Variants in MAML3 observed in about 807,000 individuals in gnomAD.
The protein encoded by MAML3 is mastermind like transcriptional coactivator 3, also known as mastermind-like protein 3.
Under a neutral mutation model 101.9 loss-of-function variants are expected in MAML3, and 27 were observed. The ratio of observed to expected loss-of-function variants is 0.27; its 90% CI spans 0.20 to 0.37. The LOEUF (loss-of-function observed/expected upper bound fraction) is 0.37, where lower values mean the gene tolerates loss of function less well. Ranked by LOEUF, MAML3 falls within the 10% of genes least tolerant of loss-of-function variation. MAML3 has a pLI of 1.00. For missense variants in MAML3, 1,316 were observed against 1,444.9 expected, an observed-to-expected ratio of 0.91 and a Z score of 1.45; for synonymous variants, 501 against 555.9, an observed-to-expected ratio of 0.90 and a Z score of 1.39.
At chr4:139,940,974 C>T (rs1733586508) in intron 1 of MAML3, among the ~76,000 whole-genome samples, 1 of 152,174 alleles carries the variant, frequency 6.6e-6, no homozygotes, top group South Asian at 2.1e-4. Flanking sequence ...ATATAGATCA[C>T]AAGTGATGCT....
intron 1 of MAML3, among the ~76,000 whole-genome samples, chr4:140,141,939 C>G (rs953806612): frequency 4.6e-5 from 7 of 152,176 alleles, no homozygotes; most frequent in Non-Finnish European, 8.8e-5. Context: ...AACCCTAAAT[C>G]TGTGCTACAG....
chr4:139,984,080 G>A (rs986599965), intron 1 of MAML3, among the ~76,000 whole-genome samples: 1 of 152,220 alleles, frequency 6.6e-6, no homozygotes, highest in Non-Finnish European at 1.5e-5. Flanking sequence ...GGAAAACACG[G>A]TGGGGTCCAC....
chr4:139,998,440 A>G (rs547917839), intron 1 of MAML3, among the ~76,000 whole-genome samples: 103 of 152,182 alleles, frequency 6.8e-4, no homozygotes, highest in Non-Finnish European at 1.1e-3. Context: ...AATGCTTTAA[A>G]CATGGTTTCT....
In MAML3 at chr4:140,153,197, G is replaced by C. The variant is rs775133441; in HGVS notation, c.131C>G (p.Pro44Arg). The C allele has an allele frequency of 1.3e-6, 2 of 1,555,266 alleles. No individual in the cohort carries two copies. Among genetic ancestry groups the C allele is most frequent in the Non-Finnish European group, 1.7e-6 (2 of 1,149,130 alleles). ...ACCGGCTGCCGGGTGATTGCTACTC[G>C]GAGCAGCGGGAGTACTATTGGGAGT... Reference protein sequence around the residue: ...NNTPNSTPAAPSSNHPAAGGC... With the variant: ...NNTPNSTPAARSSNHPAAGGC... The change falls in exon 1 of 5, where the codon CCG becomes CGG. Residue 44 changes from proline (P) to arginine (R), a missense_variant. Transcript: ENST00000509479.
At chr4:140,000,202 A>G (rs1734896795) in intron 1 of MAML3, among the ~76,000 whole-genome samples, 1 of 152,230 alleles carries the variant, frequency 6.6e-6, no homozygotes, top group African/African-American at 2.4e-5. Flanking sequence ...TGTCACAGTC[A>G]TCTTCATTTA....
chr4:139,721,541 A>G (rs964255853), intron 4 of MAML3, among the ~76,000 whole-genome samples: 1 of 152,238 alleles, frequency 6.6e-6, no homozygotes, highest in African/African-American at 2.4e-5. Flanking sequence ...GCACCCTGGT[A>G]GATAACTGAA....
At chr4:140,143,635 C>T (rs1729010925) in intron 1 of MAML3, among the ~76,000 whole-genome samples, 1 of 152,112 alleles carries the variant, frequency 6.6e-6, no homozygotes, top group South Asian at 2.1e-4. Flanking sequence ...GTGGCGGGTG[C>T]CTGTAATCCC....
At chr4:139,940,401 C>T (rs1240235573) in intron 1 of MAML3, among the ~76,000 whole-genome samples, 1 of 152,198 alleles carries the variant, frequency 6.6e-6, no homozygotes, top group East Asian at 1.9e-4. Flanking sequence ...TCTGAACTCA[C>T]TTCCTGGTTA....
At chr4:140,069,683 A>G (rs923591300) in intron 1 of MAML3, among the ~76,000 whole-genome samples, 1 of 140,280 alleles carries the variant, frequency 7.1e-6, no homozygotes, top group Non-Finnish European at 1.6e-5. Context: ...AGAAAGAAAA[A>G]GAAAGAAAGA....
At chr4:139,804,850 G>C (rs1297838744) in intron 2 of MAML3, among the ~76,000 whole-genome samples, 1 of 152,138 alleles carries the variant, frequency 6.6e-6, no homozygotes, top group Non-Finnish European at 1.5e-5. Flanking sequence ...AGTGTGTCTA[G>C]AACAGTGCTG....
At chr4:139,957,591 A>T (rs1733936640) in intron 1 of MAML3, among the ~76,000 whole-genome samples, 1 of 152,198 alleles carries the variant, frequency 6.6e-6, no homozygotes, top group African/African-American at 2.4e-5. Flanking sequence ...TGTTAGAAAG[A>T]TGGTGAATCC....
intron 2 of MAML3, among the ~76,000 whole-genome samples, chr4:139,761,016 T>C (rs1729746190): frequency 6.6e-6 from 1 of 152,152 alleles, no homozygotes; most frequent in Non-Finnish European, 1.5e-5. Context: ...TGGAGTACAA[T>C]GGCGCAATCT....
chr4:139,725,107 T>G (rs1054608548), intron 4 of MAML3, among the ~76,000 whole-genome samples: 23 of 152,282 alleles, frequency 1.5e-4, no homozygotes, highest in Admixed American at 9.2e-4. Flanking sequence ...TGAACGGGCC[T>G]TCCACATTTA....
intron 1 of MAML3, among the ~76,000 whole-genome samples, chr4:140,065,567 T>G (rs1023000727): frequency 6.6e-6 from 1 of 152,174 alleles, no homozygotes; most frequent in Non-Finnish European, 1.5e-5. Flanking sequence ...TCTGCTGACC[T>G]TCACCACTTG....
At chr4:139,782,995 C>T (rs549746144) in intron 2 of MAML3, among the ~76,000 whole-genome samples, 1 of 152,150 alleles carries the variant, frequency 6.6e-6, no homozygotes, top group East Asian at 1.9e-4. Context: ...TTGGGAACCT[C>T]AAAAAAGGAG....
chr4:139,727,647 T>C (rs1037648550), intron 3 of MAML3, among the ~76,000 whole-genome samples: 6 of 152,230 alleles, frequency 3.9e-5, no homozygotes, highest in Non-Finnish European at 7.3e-5. Flanking sequence ...CCTTTGTGAA[T>C]GGATGAGAGG....
At chr4:139,834,494 C>A (rs1029146730) in intron 2 of MAML3, among the ~76,000 whole-genome samples, 1 of 152,206 alleles carries the variant, frequency 6.6e-6, no homozygotes, top group Non-Finnish European at 1.5e-5. Flanking sequence ...TGTAAGACAG[C>A]GCTTCTTGAA....
chr4:140,053,404 C>G (rs1044747996), intron 1 of MAML3, among the ~76,000 whole-genome samples: 4 of 152,148 alleles, frequency 2.6e-5, no homozygotes, highest in East Asian at 1.9e-4. Context: ...TTAGGTAATT[C>G]TGTTTGGGAG....
chr4:139,840,418 T>G (rs760108022), intron 2 of MAML3, among the ~76,000 whole-genome samples: 6 of 152,134 alleles, frequency 3.9e-5, no homozygotes, highest in Non-Finnish European at 2.9e-5. Context: ...GGTGGTACTC[T>G]TACTTCACAT....
Sources: allele counts gnomAD v4.1 joint callset (sites outside exome capture counted in the v4.1 genomes callset), GRCh38; gene constraint gnomAD v4.1.1; transcripts MANE v1.5; gene names NCBI Gene and HGNC (gene_info 2026-07-23, HGNC 2026-07-21).